The following ZFPM2 variants were observed in gnomAD, a reference collection of about 807,000 sequenced individuals.
The protein encoded by ZFPM2 is zinc finger protein ZFPM2.
ZFPM2 carries 20 observed loss-of-function variants against 98.6 expected under a neutral mutation model. That is an observed-to-expected ratio of 0.20 (90% confidence interval 0.14 to 0.29). The LOEUF (loss-of-function observed/expected upper bound fraction) is 0.29. Ranked by LOEUF, ZFPM2 falls within the 10% of genes least tolerant of loss-of-function variation. The pLI is 1.00. For missense variants in ZFPM2, 1,310 were observed against 1,388.6 expected (o/e 0.94, Z 0.90); for synonymous variants, 518 against 502.7 (o/e 1.03, Z -0.41).
At position 105,801,879 on chromosome 8, in the gene ZFPM2, T is replaced by C. The variant is rs1202683525; in HGVS notation, c.1797T>C (p.Thr599=). Reference sequence around the variant, plus strand: ...TGCCTGAAGCTTTGAGTCCCAACACTGGCCAAACCTCCATAAACCTTCTCA... The same window carrying C: ...TGCCTGAAGCTTTGAGTCCCAACACCGGCCAAACCTCCATAAACCTTCTCA... ...EKMPEALSPN[T]GQTSINLLNP... is the part of the protein sequence containing the mutation. The change falls in exon 8 of 8, where the codon ACT becomes ACC. Residue 599 remains threonine (T), a synonymous_variant. Transcript: ENST00000407775. The C allele has an allele frequency of 6.2e-7, 1 of 1,613,976 alleles. No individual in the cohort carries two copies. The highest frequency in any genetic ancestry group is 8.5e-7 in the Non-Finnish European group (1 of 1,179,866).
At chr8:105,329,130 G>A (rs956890973) in intron 1 of ZFPM2, among the ~76,000 whole-genome samples, 1 of 151,824 alleles carries the variant, frequency 6.6e-6, no homozygotes, top group African/African-American at 2.4e-5. Flanking sequence ...CGAAGAGAGC[G>A]TCTGATAAAA....
At chr8:105,766,028 A>G (rs551791861) in intron 5 of ZFPM2, among the ~76,000 whole-genome samples, 1 of 152,022 alleles carries the variant, frequency 6.6e-6, no homozygotes, top group South Asian at 2.1e-4. Flanking sequence ...ATTTAAAACT[A>G]TACTCTGTTA....
chr8:105,445,860 C>T (rs1400787346), intron 3 of ZFPM2, among the ~76,000 whole-genome samples: 1 of 151,908 alleles, frequency 6.6e-6, no homozygotes, highest in Non-Finnish European at 1.5e-5. Flanking sequence ...CCGACTCATC[C>T]TCCCAAGGGA....
chr8:105,725,381 GA>G (rs1321779591), intron 5 of ZFPM2, among the ~76,000 whole-genome samples: 2 of 151,702 alleles, frequency 1.3e-5, no homozygotes, highest in East Asian at 3.9e-4. Context: ...TTCTAAGTTA[GA>G]ATAACGTATT....
intron 3 of ZFPM2, among the ~76,000 whole-genome samples, chr8:105,546,853 T>C (rs1692091843): frequency 6.6e-6 from 1 of 152,170 alleles, no homozygotes; most frequent in Non-Finnish European, 1.5e-5. Flanking sequence ...TTCCCACTTT[T>C]AATGATTTAT....
chr8:105,557,961 A>G lies in ZFPM2; in HGVS notation c.302-3402A>G, dbSNP rs184172127. Among the ~76,000 whole-genome samples, 612 of 152,258 alleles carry G rather than the reference A, an allele frequency of 4.0e-3. 2 individuals carry two copies. Among genetic ancestry groups the G allele is most frequent in the African/African-American group, 0.014 (587 of 41,558 alleles). On this transcript the variant is annotated intron_variant, in intron 3 of 7. Coordinates refer to ENST00000407775, the MANE Select transcript of ZFPM2 (RefSeq NM_012082.4). Reference sequence around the variant, plus strand: ...GTCAGTGTTGAAAAACAGCTTAGCAAGTTGTGAGTGAGTGCAAACCACTCT... The same window carrying G: ...GTCAGTGTTGAAAAACAGCTTAGCAGGTTGTGAGTGAGTGCAAACCACTCT...
intron 5 of ZFPM2, among the ~76,000 whole-genome samples, chr8:105,739,724 T>G (rs1339415389): frequency 2.0e-5 from 3 of 151,990 alleles, no homozygotes; most frequent in Non-Finnish European, 4.4e-5. Context: ...TTTTGTTTTT[T>G]GTTTTTTGTT....
At chr8:105,463,966 G>A (rs1812749634) in intron 3 of ZFPM2, among the ~76,000 whole-genome samples, 1 of 152,028 alleles carries the variant, frequency 6.6e-6, no homozygotes, top group African/African-American at 2.4e-5. Context: ...AATTAGGAAA[G>A]TACAAAATCC....
At chr8:105,751,790 T>C (rs879726019) in intron 5 of ZFPM2, among the ~76,000 whole-genome samples, 3 of 151,102 alleles carry the variant, frequency 2.0e-5, no homozygotes, top group South Asian at 4.2e-4. Flanking sequence ...CTTAGGTAGA[T>C]TGTTAAAAAA....
intron 3 of ZFPM2, among the ~76,000 whole-genome samples, chr8:105,517,423 T>A (rs1325032596): frequency 6.6e-6 from 1 of 152,188 alleles, no homozygotes; most frequent in Non-Finnish European, 1.5e-5. Flanking sequence ...ATAAAAATTA[T>A]ATGTATTTAC....
chr8:105,323,931 A>G (rs771722384), intron 1 of ZFPM2, among the ~76,000 whole-genome samples: 1 of 151,870 alleles, frequency 6.6e-6, no homozygotes. Context: ...TTGTAAAATT[A>G]TGGAGTAAGA....
At chr8:105,481,250 G>A (rs772379290) in intron 3 of ZFPM2, among the ~76,000 whole-genome samples, 4 of 152,168 alleles carry the variant, frequency 2.6e-5, no homozygotes, top group Admixed American at 6.5e-5. Flanking sequence ...TTGCTCCACT[G>A]TATTAATCTG....
chr8:105,323,191 G>A (rs1812060096), intron 1 of ZFPM2, among the ~76,000 whole-genome samples: 1 of 151,598 alleles, frequency 6.6e-6, no homozygotes, highest in Admixed American at 6.6e-5. Context: ...ATTATCTACT[G>A]TGTTGTCTTT....
chr8:105,331,967 A>G (rs1812241653), intron 1 of ZFPM2, among the ~76,000 whole-genome samples: 1 of 151,740 alleles, frequency 6.6e-6, no homozygotes, highest in Non-Finnish European at 1.5e-5. Flanking sequence ...ATGGACTACC[A>G]GATCTGTTCC....
chr8:105,379,497 T>C (rs1586328543), intron 1 of ZFPM2, among the ~76,000 whole-genome samples: 2 of 152,154 alleles, frequency 1.3e-5, no homozygotes, highest in Non-Finnish European at 2.9e-5. Flanking sequence ...CTCACGCCTG[T>C]AATCCCAGCA....
At chr8:105,491,790 A>T (rs1813360895) in intron 3 of ZFPM2, among the ~76,000 whole-genome samples, 1 of 152,200 alleles carries the variant, frequency 6.6e-6, no homozygotes, top group African/African-American at 2.4e-5. Flanking sequence ...ATTGCCTTAT[A>T]TCTACCTTGT....
intron 5 of ZFPM2, among the ~76,000 whole-genome samples, chr8:105,684,481 G>T (rs2130926563): frequency 6.6e-6 from 1 of 152,148 alleles, no homozygotes; most frequent in African/African-American, 2.4e-5. Context: ...GGAAAAGGTG[G>T]CAGGGAGCCA....
At chr8:105,624,275 A>G (rs924682282) in intron 4 of ZFPM2, among the ~76,000 whole-genome samples, 1 of 152,210 alleles carries the variant, frequency 6.6e-6, no homozygotes, top group African/African-American at 2.4e-5. Flanking sequence ...CACTTTTTGC[A>G]CATTGCACTA....
intron 1 of ZFPM2, among the ~76,000 whole-genome samples, chr8:105,413,751 C>T (rs1243445576): frequency 1.3e-5 from 2 of 151,608 alleles, no homozygotes; most frequent in African/African-American, 4.8e-5. Context: ...AAATGTATCC[C>T]ATTGACATAG....
Sources: gnomAD v4.1 joint callset for allele counts (sites outside exome capture counted in the v4.1 genomes callset) on GRCh38, gnomAD v4.1.1 for gene constraint, MANE v1.5 for transcripts, NCBI Gene and HGNC (gene_info 2026-07-23, HGNC 2026-07-21) for gene names.